Variants in SND1 observed in about 807,000 individuals in gnomAD.
SND1 encodes staphylococcal nuclease domain-containing protein 1.
SND1 carries 38 observed loss-of-function variants against 121.7 expected under a neutral mutation model. The ratio of observed to expected loss-of-function variants is 0.31; its 90% CI spans 0.24 to 0.41. The LOEUF is 0.41. SND1 is among the 10% of genes least tolerant of loss of function. SND1 has a pLI of 1.00. For synonymous variants in SND1, 401 were observed against 447.4 expected (o/e 0.90, Z 1.31); for missense variants, 868 against 1,184.6 (o/e 0.73, Z 3.92).
intron 10 of SND1, among the ~76,000 whole-genome samples, chr7:127,735,116 G>A (rs1031832804): frequency 3.3e-5 from 5 of 152,066 alleles, no homozygotes; most frequent in African/African-American, 9.7e-5. Context: ...CCTCTACCCC[G>A]TCCTTGGGAG....
chr7:127,718,988 T>A (rs1238661816), intron 9 of SND1, among the ~76,000 whole-genome samples: 2 of 152,180 alleles, frequency 1.3e-5, no homozygotes, highest in African/African-American at 4.8e-5. Flanking sequence ...ACAGTTACCC[T>A]CTATCCTTTG....
At chr7:127,670,772 A>C (rs1795501824) in intron 1 of SND1, among the ~76,000 whole-genome samples, 1 of 151,970 alleles carries the variant, frequency 6.6e-6, no homozygotes, top group Non-Finnish European at 1.5e-5. Flanking sequence ...TTGGCCTCCC[A>C]AAGTGCTGGG....
At position 127,764,056 on chromosome 7, in the gene SND1, A is replaced by AAAAAAC. The variant is rs1554422863; in HGVS notation, c.1152+42660_1152+42661insACAAAA. On this transcript the variant is annotated intron_variant, in intron 10 of 23. Coordinates refer to ENST00000354725, the MANE Select transcript of SND1 (RefSeq NM_014390.4). Reference sequence around the variant, plus strand: ...CCTGTCGCAAAAAAAAAAAAAACAAAAAAACAAAAAAACAAAAAACCCAAG... The same window carrying AAAAAAC: ...CCTGTCGCAAAAAAAAAAAAAACAAAAAAAACAAAACAAAAAAACAAAAAACCCAAG... Among the ~76,000 whole-genome samples, 86 of 135,258 alleles carry AAAAAAC rather than the reference A, an allele frequency of 6.4e-4. 2 individuals are homozygous for AAAAAAC. The highest frequency in any genetic ancestry group is 7.3e-4 in the African/African-American group (28 of 38,300). The allele number at this position is 135,258 out of a possible 152,430, so 88.7% of individuals were successfully genotyped here. A position where few individuals can be genotyped will look rare whatever the true frequency, so the allele number is the denominator to read the frequency against.
chr7:127,894,594 A>T (rs576871782), intron 13 of SND1, among the ~76,000 whole-genome samples: 7 of 152,274 alleles, frequency 4.6e-5, no homozygotes, highest in African/African-American at 1.7e-4. Context: ...AAATGTTTTG[A>T]TAAGAAAATT....
At chr7:127,801,651 T>C (rs1416480369) in intron 10 of SND1, among the ~76,000 whole-genome samples, 1 of 152,154 alleles carries the variant, frequency 6.6e-6, no homozygotes, top group African/African-American at 2.4e-5. Context: ...TGCCTGTTAT[T>C]TCTCCAATCT....
chr7:128,020,762 G>A (rs951385336), intron 16 of SND1, among the ~76,000 whole-genome samples: 1 of 152,166 alleles, frequency 6.6e-6, no homozygotes, highest in African/African-American at 2.4e-5. Context: ...AGCCTCCAGC[G>A]GGCACAATGG....
At chr7:127,770,888 G>A (rs1797501274) in intron 10 of SND1, among the ~76,000 whole-genome samples, 3 of 152,190 alleles carry the variant, frequency 2.0e-5, no homozygotes, top group African/African-American at 7.2e-5. Context: ...CACCTTTACT[G>A]TGATTTAGGC....
chr7:128,015,244 C>T lies in SND1; in HGVS notation c.1779+24188C>T, dbSNP rs569674911. Among the ~76,000 whole-genome samples the T allele has an allele frequency of 1.2e-4, 19 of 152,306 alleles. No individual in the cohort carries two copies. The highest frequency in any genetic ancestry group is 9.1e-4 in the Admixed American group (14 of 15,302). On this transcript the variant is annotated intron_variant, in intron 16 of 23. Coordinates refer to ENST00000354725, the MANE Select transcript of SND1 (RefSeq NM_014390.4). This position sits in a 1 kb window ranked among gnomAD's most constrained non-coding sequence, Gnocchi z 4.5. ...GGGTCAGGCCTTGCCCGCAGGTCAACGTGGGGCTAAAATGAAGACCGCTCT... is the reference window on the plus strand; with the variant it reads ...GGGTCAGGCCTTGCCCGCAGGTCAATGTGGGGCTAAAATGAAGACCGCTCT...
intron 13 of SND1, among the ~76,000 whole-genome samples, chr7:127,890,037 T>C (rs1799981299): frequency 2.6e-5 from 4 of 152,110 alleles, no homozygotes; most frequent in Non-Finnish European, 4.4e-5. Flanking sequence ...TTAGGCGGTA[T>C]ATACCCAGCA....
intron 11 of SND1, among the ~76,000 whole-genome samples, chr7:127,836,189 C>G (rs541476762): frequency 1.3e-5 from 2 of 152,202 alleles, no homozygotes; most frequent in South Asian, 4.1e-4. Flanking sequence ...ATCCCGGGGA[C>G]AGAGGAGTGG....
At chr7:127,915,572 C>T (rs1315142934) in intron 14 of SND1, among the ~76,000 whole-genome samples, 5 of 152,098 alleles carry the variant, frequency 3.3e-5, no homozygotes, top group Non-Finnish European at 7.4e-5. Context: ...AGCAAGAATG[C>T]TGAGTGTTGA....
chr7:127,968,096 C>T (rs183086741), intron 15 of SND1, among the ~76,000 whole-genome samples: 2 of 152,352 alleles, frequency 1.3e-5, no homozygotes, highest in African/African-American at 4.8e-5. Flanking sequence ...GCACTTACCA[C>T]TCCACCATTT....
At chr7:128,051,785 G>T (rs1304325267) in intron 16 of SND1, among the ~76,000 whole-genome samples, 1 of 152,220 alleles carries the variant, frequency 6.6e-6, no homozygotes, top group Non-Finnish European at 1.5e-5. Flanking sequence ...ACGAACACTT[G>T]TGTACTTACT....
rs1400142574 is a variant in SND1, at chr7:127,980,412, G to A, written c.1670-10535G>A. On this transcript the variant is annotated intron_variant, in intron 15 of 23. Coordinates refer to ENST00000354725, the MANE Select transcript of SND1 (RefSeq NM_014390.4). ...TGGGATTACAGGCGTGAGCCACCGC[G>A]CCCGGCCTCTTTTTCTTTAAAGTAA... 1.8e-4 allele frequency among the ~76,000 whole-genome samples: 3 copies of A among 16,650 alleles called. 1 individual carries two copies. Among genetic ancestry groups the A allele is most frequent in the Non-Finnish European group, 3.3e-4 (3 of 8,998 alleles). The allele number at this position is 16,650 out of a possible 152,430, so 10.9% of individuals were successfully genotyped here.
At chr7:128,082,977 G>A (rs1286655829) in intron 18 of SND1, among the ~76,000 whole-genome samples, 1 of 152,168 alleles carries the variant, frequency 6.6e-6, no homozygotes, top group African/African-American at 2.4e-5. Flanking sequence ...AGGGAGTGAG[G>A]CCCTTCCTGG....
chr7:127,697,910 T>C (rs146627494), intron 3 of SND1, among the ~76,000 whole-genome samples: 172 of 152,312 alleles, frequency 1.1e-3, no homozygotes, highest in Middle Eastern at 3.4e-3. Flanking sequence ...CAGATTATCT[T>C]GGAGCTTGTT....
chr7:127,656,680 C>T (rs1475660810), intron 1 of SND1, among the ~76,000 whole-genome samples: 3 of 152,134 alleles, frequency 2.0e-5, no homozygotes, highest in Admixed American at 1.3e-4. Context: ...CTCGTTCTTA[C>T]GTGTACTTCG....
intron 15 of SND1, among the ~76,000 whole-genome samples, chr7:127,989,043 T>C (rs1244992837): frequency 6.6e-6 from 1 of 152,226 alleles, no homozygotes; most frequent in Non-Finnish European, 1.5e-5. Context: ...ACATGGGCCA[T>C]CTTTCATTCC....
chr7:127,954,540 CTT>C (rs1801550258), intron 15 of SND1, among the ~76,000 whole-genome samples: 1 of 152,160 alleles, frequency 6.6e-6, no homozygotes, highest in South Asian at 2.1e-4. Context: ...CCCTCTCTCT[CTT>C]TCCCTGGAAG....
Sources: allele counts gnomAD v4.1 joint callset (sites outside exome capture counted in the v4.1 genomes callset), GRCh38; gene constraint gnomAD v4.1.1; non-coding constraint Gnocchi (gnomAD v3.1); transcripts MANE v1.5; gene names NCBI Gene and HGNC (gene_info 2026-07-23, HGNC 2026-07-21).